The following PRIMPOL variants were observed in gnomAD, a reference collection of about 807,000 sequenced individuals.
PRIMPOL encodes DNA-directed primase/polymerase protein.
PRIMPOL carries 54 observed loss-of-function variants against 63.6 expected under a neutral mutation model. The ratio of observed to expected loss-of-function variants is 0.85; its 90% CI spans 0.68 to 1.07. The LOEUF (loss-of-function observed/expected upper bound fraction) is 1.07, where lower values mean the gene tolerates loss of function less well. Ranked by LOEUF, PRIMPOL falls within the 50% of genes least tolerant of loss-of-function variation. PRIMPOL has a pLI of 0.00. For missense variants in PRIMPOL, 610 were observed against 648.3 expected, an observed-to-expected ratio of 0.94 and a Z score of 0.64; for synonymous variants, 197 against 220.2, an observed-to-expected ratio of 0.89 and a Z score of 0.93.
chr4:184,652,995 GAA>G (rs1276106363), intron 2 of PRIMPOL, among the ~76,000 whole-genome samples: 345 of 3,332 alleles, frequency 0.1, 29 homozygotes, highest in Non-Finnish European at 0.41. Flanking sequence ...AGGAAGGAAG[GAA>G]GAAGGGAAGG....
In PRIMPOL at chr4:184,654,347, C is replaced by G. The variant is rs150528369; in HGVS notation, c.-60+2247C>G. On this transcript the variant is annotated intron_variant, in intron 2 of 13. Transcript: ENST00000314970. ...AAGTCAGTTTCTCAATTAGGTTTATCTAAGTATAGCAGATTTTTAGCTGCA... is the reference window on the plus strand; with the variant it reads ...AAGTCAGTTTCTCAATTAGGTTTATGTAAGTATAGCAGATTTTTAGCTGCA... Among the ~76,000 whole-genome samples the G allele has an allele frequency of 1.4e-3, 215 of 151,954 alleles. 1 individual carries two copies. The highest frequency in any genetic ancestry group is 5.0e-3 in the African/African-American group (208 of 41,416).
intron 11 of PRIMPOL, among the ~76,000 whole-genome samples, chr4:184,690,829 T>A (rs550118505): frequency 6.6e-6 from 1 of 152,360 alleles, no homozygotes; most frequent in South Asian, 2.1e-4. Context: ...ACACTTCCAG[T>A]CCACTCAGGT....
At chr4:184,683,143 A>G (rs1388907322) in intron 9 of PRIMPOL, among the ~76,000 whole-genome samples, 4 of 152,162 alleles carry the variant, frequency 2.6e-5, no homozygotes, top group Non-Finnish European at 4.4e-5. Context: ...ATTAAGAAGT[A>G]TTATTCACTG....
chr4:184,667,469 C>T (rs1022851674), intron 6 of PRIMPOL, among the ~76,000 whole-genome samples: 6 of 152,162 alleles, frequency 3.9e-5, no homozygotes, highest in Non-Finnish European at 5.9e-5. Flanking sequence ...TGCCACCATG[C>T]CCGGCTAAGT....
chr4:184,665,889 A>C, intron 5 of PRIMPOL, 28 bp from the exon 6 acceptor site: 1 of 1,460,058 alleles, frequency 6.8e-7, no homozygotes, highest in Non-Finnish European at 9.2e-7. Context: ...AAAAATATAA[A>C]TTATTTGCAT....
At chr4:184,655,541 C>T (rs893305940) in intron 2 of PRIMPOL, among the ~76,000 whole-genome samples, 5 of 151,888 alleles carry the variant, frequency 3.3e-5, no homozygotes, top group South Asian at 2.1e-4. Flanking sequence ...AGGCTGGTCT[C>T]GAACTCATGA....
chr4:184,681,062 G>A (rs1256782209), intron 8 of PRIMPOL, among the ~76,000 whole-genome samples: 1 of 152,148 alleles, frequency 6.6e-6, no homozygotes, highest in Non-Finnish European at 1.5e-5. Flanking sequence ...GTTTAAATAT[G>A]AATCTTACAG....
chr4:184,669,257 G>A (rs1750907815), intron 6 of PRIMPOL, among the ~76,000 whole-genome samples: 1 of 152,196 alleles, frequency 6.6e-6, no homozygotes, highest in African/African-American at 2.4e-5. Flanking sequence ...CTCCTGTTAA[G>A]CAGCTGGGGA....
chr4:184,669,513 C>T (rs1579415816), intron 6 of PRIMPOL, among the ~76,000 whole-genome samples: 1 of 152,186 alleles, frequency 6.6e-6, no homozygotes, highest in Non-Finnish European at 1.5e-5. Context: ...TACTGGTCAT[C>T]GTCTGCTCCA....
At chr4:184,654,067 T>C (rs532196917) in intron 2 of PRIMPOL, among the ~76,000 whole-genome samples, 1 of 152,326 alleles carries the variant, frequency 6.6e-6, no homozygotes, top group East Asian at 1.9e-4. Context: ...GTTCAGTGAG[T>C]CTTAAGCTGT....
chr4:184,666,754 A>G (rs1463852452), intron 6 of PRIMPOL, among the ~76,000 whole-genome samples: 1 of 152,196 alleles, frequency 6.6e-6, no homozygotes, highest in African/African-American at 2.4e-5. Context: ...CTTCGGTCCC[A>G]GGTCGTATCA....
chr4:184,666,186 G>A (rs1412148555), intron 6 of PRIMPOL, 122 bp downstream of exon 6: 19 of 728,362 alleles, frequency 2.6e-5, no homozygotes, highest in Non-Finnish European at 3.8e-5. Flanking sequence ...TAAAAAATGC[G>A]ATGTAGGCTG....
intron 11 of PRIMPOL, among the ~76,000 whole-genome samples, chr4:184,686,973 T>C (rs1287131940): frequency 2.0e-5 from 3 of 152,240 alleles, no homozygotes; most frequent in African/African-American, 7.2e-5. Flanking sequence ...CAAAAAATCA[T>C]TATTACATGG....
chr4:184,660,012 G>C (rs536117256), intron 4 of PRIMPOL, among the ~76,000 whole-genome samples: 1 of 151,552 alleles, frequency 6.6e-6, no homozygotes, highest in Non-Finnish European at 1.5e-5. Context: ...GTAGAGACGG[G>C]GTTTCACCAT....
In PRIMPOL at chr4:184,694,737, T is replaced by C; in HGVS notation, c.1641T>C (p.Asp547=). ...TTCTCAGTTATAACAGTGAAGTGGA[T>C]GAAATTCCTGATGAACTAATTATAG... ...NSLLSYNSEV[D]EIPDELIIEV... Residue 547 remains aspartate (D), a synonymous_variant, in exon 14 of 14, where the codon GAT becomes GAC. Coordinates refer to ENST00000314970, the MANE Select transcript of PRIMPOL (RefSeq NM_152683.4). The C allele has an allele frequency of 6.2e-7, 1 of 1,612,492 alleles. No individual in the cohort carries two copies. The highest frequency in any genetic ancestry group is 1.7e-4 in the Middle Eastern group (1 of 6,054).
intron 5 of PRIMPOL, among the ~76,000 whole-genome samples, chr4:184,664,293 G>T (rs1310462622): frequency 6.6e-6 from 1 of 152,246 alleles, no homozygotes; most frequent in Non-Finnish European, 1.5e-5. Context: ...CAGGCACTGT[G>T]CCCAGGCACT....
At chr4:184,686,611 G>A (rs1229931232) in intron 11 of PRIMPOL, among the ~76,000 whole-genome samples, 2 of 152,114 alleles carry the variant, frequency 1.3e-5, no homozygotes, top group Non-Finnish European at 2.9e-5. Context: ...TTAGAATAGA[G>A]ATAAATAGAT....
intron 13 of PRIMPOL, 30 bp from the exon 14 acceptor site, chr4:184,694,492 A>T (rs1291831606): frequency 6.3e-7 from 1 of 1,597,086 alleles, no homozygotes; most frequent in Non-Finnish European, 8.6e-7. Flanking sequence ...TTCCTATCCC[A>T]CTCTCTATCC....
At chr4:184,687,586 A>T (rs1401207133) in intron 11 of PRIMPOL, among the ~76,000 whole-genome samples, 1 of 152,030 alleles carries the variant, frequency 6.6e-6, no homozygotes, top group Non-Finnish European at 1.5e-5. Flanking sequence ...ATACGTTCAT[A>T]TCTCTAAACA....
Sources: allele counts gnomAD v4.1 joint callset (sites outside exome capture counted in the v4.1 genomes callset), GRCh38; gene constraint gnomAD v4.1.1; transcripts MANE v1.5; gene names NCBI Gene and HGNC (gene_info 2026-07-23, HGNC 2026-07-21).